SPINK5: variants seen among roughly 807,000 people sequenced by gnomAD.
SPINK5 encodes serine peptidase inhibitor Kazal type 5.
SPINK5 carries 125 observed loss-of-function variants against 151.8 expected under a neutral mutation model. That is an observed-to-expected ratio of 0.82 (90% CI 0.71 to 0.96). The LOEUF (loss-of-function observed/expected upper bound fraction) is 0.96, where lower values mean the gene tolerates loss of function less well. SPINK5 is among the 40% of genes least tolerant of loss of function. The pLI, the probability that SPINK5 is intolerant of heterozygous loss-of-function variation, is 0.00. For synonymous variants in SPINK5, 374 were observed against 395.3 expected, an observed-to-expected ratio of 0.95 and a Z score of 0.64; for missense variants, 1,194 against 1,291.9, an observed-to-expected ratio of 0.92 and a Z score of 1.16.
chr5:148,101,148 C>T (rs900904259), intron 13 of SPINK5, among the ~76,000 whole-genome samples: 4 of 151,942 alleles, frequency 2.6e-5, no homozygotes, highest in African/African-American at 7.3e-5. Flanking sequence ...TTATGCATTC[C>T]GTCTGTCAGT....
intron 2 of SPINK5, 173 bp downstream of exon 2, chr5:148,065,545 TCACACACACACACACA>T: frequency 8.2e-6 from 5 of 608,252 alleles, no homozygotes; most frequent in Non-Finnish European, 1.5e-5. Flanking sequence ...AGCCTCTCTC[TCACACACACACACACA>T]CACACACACA....
intron 27 of SPINK5, among the ~76,000 whole-genome samples, 181 bp from the exon 28 acceptor site, chr5:148,124,584 T>C (rs1754379252): frequency 6.6e-6 from 1 of 152,164 alleles, no homozygotes; most frequent in Non-Finnish European, 1.5e-5. Context: ...AAATATATTA[T>C]CATGAAAATT....
rs772652367 is a variant in SPINK5 at position 148,112,934 on chromosome 5, G to A, written c.1887G>A (p.Lys629=). Residue 629 remains lysine, a splice_region_variant and synonymous_variant, in exon 20 of 33, where the codon AAG becomes AAA. Transcript: ENST00000256084. ...CAAAAGTCAAAAGAGAAGCTGAAAAGGTAGTAATCCTGAATGTTTATACTG... is the reference window on the plus strand; with the variant it reads ...CAAAAGTCAAAAGAGAAGCTGAAAAAGTAGTAATCCTGAATGTTTATACTG... ...PRAKVKREAE[K]ETCDEFRRLL... The A allele has an allele frequency of 3.1e-6, 5 of 1,613,628 alleles. No individual in the cohort carries two copies. The Admixed American group carries it at 6.7e-5, about 22-fold the overall frequency.
intron 31 of SPINK5, among the ~76,000 whole-genome samples, chr5:148,132,647 T>A (rs1353666068): frequency 2.0e-5 from 3 of 152,172 alleles, no homozygotes; most frequent in Non-Finnish European, 4.4e-5. Flanking sequence ...GATTTTGACC[T>A]TATTGATTTG....
chr5:148,132,083 G>C (rs1383249120), intron 31 of SPINK5, among the ~76,000 whole-genome samples: 2 of 152,106 alleles, frequency 1.3e-5, no homozygotes, highest in Non-Finnish European at 2.9e-5. Context: ...TTAAATACAA[G>C]GGATTCATTT....
At position 148,101,844 on chromosome 5, in the gene SPINK5, G is replaced by A; in HGVS notation, c.1366G>A (p.Asp456Asn). Residue 456 changes from aspartate to asparagine, a missense_variant, in exon 15 of 33, where the codon GAC becomes AAC. Coordinates refer to ENST00000256084, the MANE Select transcript of SPINK5 (RefSeq NM_006846.4). ...ACGGCTTTTTTGCACCAGAGAGAAT[G>A]ACCCCATCCAGGGCCCAGATGGAAA... Reference protein sequence around the residue: ...NGRLFCTRENDPIQGPDGKMH... With the variant: ...NGRLFCTRENNPIQGPDGKMH... The A allele has an allele frequency of 6.2e-7, 1 of 1,613,828 alleles. No individual in the cohort carries two copies. The highest frequency in any genetic ancestry group is 8.5e-7 in the Non-Finnish European group (1 of 1,179,820).
chr5:148,082,390 C>T (rs1753042587), intron 4 of SPINK5, among the ~76,000 whole-genome samples: 1 of 150,736 alleles, frequency 6.6e-6, no homozygotes, highest in Non-Finnish European at 1.5e-5. Flanking sequence ...TCATTATTTT[C>T]CAAACACTTC....
Position 148,065,370 on chromosome 5 carries a change from C to T in SPINK5, c.79C>T (p.Gln27Ter). Residue 27 changes from glutamine (Q) to a stop codon, truncating the protein, a stop_gained and splice_region_variant, in exon 2 of 33, where the codon CAG becomes TAG. Coordinates refer to ENST00000256084, the MANE Select transcript of SPINK5 (RefSeq NM_006846.4). LOFTEE classifies it high-confidence loss of function. ...AGATGCTGCCAGTAAGAATGAAGATCAGGTTAGTCCTGCTTTTTCTGTTCA... is the reference window on the plus strand; with the variant it reads ...AGATGCTGCCAGTAAGAATGAAGATTAGGTTAGTCCTGCTTTTTCTGTTCA... Reference protein sequence around the residue: ...IQDAASKNEDQEMCHEFQAFM... With the variant: ...IQDAASKNED The T allele has an allele frequency of 6.2e-7, 1 of 1,613,520 alleles. No individual in the cohort carries two copies. Among genetic ancestry groups the T allele is most frequent in the Non-Finnish European group, 8.5e-7 (1 of 1,179,788 alleles).
intron 21 of SPINK5, 75 bp from the exon 22 acceptor site, chr5:148,116,295 T>C (rs1007456770): frequency 1.4e-6 from 2 of 1,452,088 alleles, no homozygotes; most frequent in Admixed American, 1.7e-5. Context: ...TTTGTTCATA[T>C]AATGAGAAAC....
At chr5:148,120,694 A>G (rs574698836) in intron 26 of SPINK5, among the ~76,000 whole-genome samples, 5 of 152,002 alleles carry the variant, frequency 3.3e-5, no homozygotes, top group Admixed American at 1.3e-4. Flanking sequence ...ATGGTCTCGA[A>G]CTCCTGAGCT....
intron 22 of SPINK5, among the ~76,000 whole-genome samples, chr5:148,117,827 T>A (rs1391272987): frequency 6.6e-6 from 1 of 152,230 alleles, no homozygotes; most frequent in Non-Finnish European, 1.5e-5. Context: ...ATCCCCCAAG[T>A]GTACCAAGGG....
rs1163889432 is a variant in SPINK5 at position 148,091,193 on chromosome 5, G to A, written c.631G>A (p.Glu211Lys). 2 of 1,611,544 alleles carry A rather than the reference G, an allele frequency of 1.2e-6. No individual in the cohort carries two copies. The highest frequency in any genetic ancestry group is 3.3e-5 in the Admixed American group (2 of 59,762). ...AAAAGAAGCTGAAAATGCCAAGCGA[G>A]AGGGTGAAACTAGAATTCGACGAAA... is the stretch of plus-strand genomic sequence containing the variant. ...FLKEAENAKR[E>K]GETRIRRNAE... The change falls in exon 8 of 33, where the codon GAG becomes AAG. Residue 211 changes from glutamate to lysine, a missense_variant. Transcript: ENST00000256084.
chr5:148,118,963 A>C (rs1486015683), intron 23 of SPINK5, 23 bp from the exon 24 acceptor site: 7 of 1,612,184 alleles, frequency 4.3e-6, no homozygotes, highest in Non-Finnish European at 5.9e-6. Context: ...AACAAGATGA[A>C]TATTCACTTT....
At position 148,107,116 on chromosome 5, in the gene SPINK5, C is replaced by T. The variant is rs2113141163; in HGVS notation, c.1559C>T (p.Pro520Leu). The change falls in exon 17 of 33, where the codon CCA (proline) becomes CTA (leucine). Residue 520 changes from proline (P) to leucine (L), a missense_variant. By Grantham distance (98) the Pro-to-Leu change is moderately conservative. Coordinates refer to ENST00000256084, the MANE Select transcript of SPINK5 (RefSeq NM_006846.4). Reference protein sequence around the residue: ...CTREHNPVRGPDGKMHGNKCA... With the variant: ...CTREHNPVRGLDGKMHGNKCA... The stretch of plus-strand genomic sequence containing the variant: ...AGGGAGCATAATCCTGTCCGTGGCC[C>T]AGATGGCAAAATGCATGGAAACAAG... 1 of 1,613,164 alleles carries T rather than the reference C, an allele frequency of 6.2e-7. No individual in the cohort carries two copies. The highest frequency in any genetic ancestry group is 2.2e-5 in the East Asian group (1 of 44,832).
chr5:148,114,856 T>C (rs1014171997), intron 21 of SPINK5, among the ~76,000 whole-genome samples: 1 of 152,204 alleles, frequency 6.6e-6, no homozygotes, highest in Non-Finnish European at 1.5e-5. Flanking sequence ...ACCTACATTG[T>C]TGAAAATAAC....
chr5:148,084,073 ATAAT>A (rs1353400208), intron 4 of SPINK5, among the ~76,000 whole-genome samples: 5 of 151,874 alleles, frequency 3.3e-5, no homozygotes, highest in Admixed American at 6.6e-5. Context: ...TCTCCATAAC[ATAAT>A]TAGACTTGAT....
chr5:148,087,080 G>T (rs1048071700), intron 5 of SPINK5, among the ~76,000 whole-genome samples: 1 of 151,092 alleles, frequency 6.6e-6, no homozygotes, highest in Non-Finnish European at 1.5e-5. Context: ...TTTTCACAGA[G>T]AATTATTTCA....
At chr5:148,104,075 C>G (rs924012483) in intron 15 of SPINK5, among the ~76,000 whole-genome samples, 1 of 152,128 alleles carries the variant, frequency 6.6e-6, no homozygotes, top group African/African-American at 2.4e-5. Flanking sequence ...ATGTCAATCT[C>G]TTATAACAAT....
chr5:148,088,231 A>C (rs1753211237), intron 5 of SPINK5, among the ~76,000 whole-genome samples: 1 of 151,836 alleles, frequency 6.6e-6, no homozygotes, highest in South Asian at 2.1e-4. Flanking sequence ...AGTGTTATCT[A>C]TTATCCAGTT....
Sources: allele counts gnomAD v4.1 joint callset (sites outside exome capture counted in the v4.1 genomes callset), GRCh38; gene constraint gnomAD v4.1.1; transcripts MANE v1.5; gene names NCBI Gene and HGNC (gene_info 2026-07-23, HGNC 2026-07-21).